The following TERB1 variants were observed in gnomAD, a reference collection of about 807,000 sequenced individuals.
TERB1 encodes the protein telomere repeat binding bouquet formation protein 1.
In TERB1, 63 loss-of-function variants were observed where a neutral mutation model predicts 92.3. The observed-to-expected ratio is 0.68, with a 90% CI of 0.56 to 0.84. The LOEUF (loss-of-function observed/expected upper bound fraction) is 0.84. Among genes scored for constraint, TERB1 ranks in the 40% least tolerant of loss-of-function variants. The pLI is 0.00. For synonymous variants in TERB1, 252 were observed against 283.9 expected, an observed-to-expected ratio of 0.89 and a Z score of 1.13; for missense variants, 709 against 843.7, an observed-to-expected ratio of 0.84 and a Z score of 1.98.
Position 66,786,112 on chromosome 16 carries a change from T to C in TERB1, c.479A>G (p.His160Arg). The stretch of plus-strand genomic sequence containing the variant: ...ATTTTTATCTGACAAATCCAACTCA[T>C]GTTTTGAAATAACTGTCCTATTAGG... Reference protein sequence around the residue: ...SRLFRTVISKHELDLSDKNVF... With the variant: ...SRLFRTVISKRELDLSDKNVF... The change falls in exon 8 of 19, where the codon CAT becomes CGT. Residue 160 changes from histidine to arginine, a missense_variant. Physicochemically the swap from His to Arg is conservative, Grantham distance 29. Transcript: ENST00000433154. The C allele has an allele frequency of 6.4e-7, 1 of 1,550,928 alleles. No homozygotes were observed. The highest frequency in any genetic ancestry group is 8.7e-7 in the Non-Finnish European group (1 of 1,146,420).
intron 16 of TERB1, among the ~76,000 whole-genome samples, chr16:66,763,739 G>T (rs1486013641): frequency 2.0e-5 from 3 of 152,012 alleles, no homozygotes; most frequent in African/African-American, 7.2e-5. Context: ...TAAAATAAAA[G>T]TTGGAAAAAC....
intron 3 of TERB1, among the ~76,000 whole-genome samples, chr16:66,794,243 G>A (rs188598664): frequency 8.1e-4 from 123 of 151,872 alleles, no homozygotes; most frequent in Middle Eastern, 3.4e-3. Context: ...GGGAATACAC[G>A]CACATGCCAC....
intron 18 of TERB1, 42 bp downstream of exon 18, chr16:66,758,731 A>T (rs1392502818): frequency 8.1e-7 from 1 of 1,235,138 alleles, no homozygotes. Flanking sequence ...ACAGAGCCAG[A>T]CCCTGTCTCA....
intron 16 of TERB1, among the ~76,000 whole-genome samples, chr16:66,766,170 CG>C (rs1277929563): frequency 1.3e-5 from 2 of 151,884 alleles, no homozygotes; most frequent in African/African-American, 2.4e-5. Flanking sequence ...CGCGCCCGGC[CG>C]GGTATTTTTT....
intron 16 of TERB1, among the ~76,000 whole-genome samples, chr16:66,762,942 C>T (rs949565808): frequency 2.0e-5 from 3 of 152,114 alleles, no homozygotes; most frequent in Admixed American, 6.5e-5. Context: ...CTCAGCCTCC[C>T]AAAGTGCTGA....
chr16:66,779,627 A>G (rs527850142), intron 9 of TERB1, among the ~76,000 whole-genome samples: 7 of 152,118 alleles, frequency 4.6e-5, no homozygotes, highest in African/African-American at 1.4e-4. Context: ...ACAAAAGAAA[A>G]AAACAAAAAA....
chr16:66,764,586 G>C, intron 16 of TERB1, among the ~76,000 whole-genome samples: 1 of 152,216 alleles, frequency 6.6e-6, no homozygotes, highest in East Asian at 1.9e-4. Flanking sequence ...TATTATACTT[G>C]GGAGTTGGAG....
intron 3 of TERB1, among the ~76,000 whole-genome samples, chr16:66,792,732 G>A (rs1000733461): frequency 2.9e-4 from 44 of 152,140 alleles, no homozygotes; most frequent in Non-Finnish European, 8.8e-5. Flanking sequence ...TAGGTTGTAT[G>A]GACAGCTATT....
chr16:66,757,303 T>C (rs1343134876), intron 18 of TERB1, among the ~76,000 whole-genome samples: 1 of 152,220 alleles, frequency 6.6e-6, no homozygotes, highest in Non-Finnish European at 1.5e-5. Flanking sequence ...TATATAATCA[T>C]TGTATAACCA....
rs1476862679 is a variant in TERB1 at position 66,759,209 on chromosome 16, T to A, written c.1862A>T (p.His621Leu). 6.4e-7 allele frequency: 1 copy of A among 1,550,942 alleles called. No individual in the cohort carries two copies. The highest frequency in any genetic ancestry group is 1.4e-5 in the African/African-American group (1 of 73,030). Reference sequence around the variant, plus strand: ...GTCTTCAGCTTCCACAATGACTTTGTGACGATCACATTGGTATGGGCAAGA... The same window carrying A: ...GTCTTCAGCTTCCACAATGACTTTGAGACGATCACATTGGTATGGGCAAGA... ...LHSCPYQCDRHKVIVEAEDRY... is the reference protein window; with the variant it reads ...LHSCPYQCDRLKVIVEAEDRY... The change falls in exon 17 of 19, where the codon CAC becomes CTC. Residue 621 changes from histidine to leucine, a missense_variant. Transcript: ENST00000433154.
chr16:66,774,149 G>A (rs1442840182), intron 12 of TERB1, among the ~76,000 whole-genome samples: 2 of 150,646 alleles, frequency 1.3e-5, no homozygotes, highest in Non-Finnish European at 2.9e-5. Context: ...CGAAAGTGCT[G>A]GGATTACAGG....
At position 66,767,442 on chromosome 16, in the gene TERB1, A is replaced by G. The variant is rs1421556107; in HGVS notation, c.1753T>C (p.Ser585Pro). Reference protein sequence around the residue: ...VVSFLATPSCSEMLTYRCSGC... With the variant: ...VVSFLATPSCPEMLTYRCSGC... ...GAGCACCTATACGTCAACATTTCGG[A>G]ACAACTGGGAGTTGCTAGAAAACTG... Residue 585 changes from serine (S) to proline (P), a missense_variant, in exon 16 of 19, where the codon TCC (serine) becomes CCC (proline). Ser to Pro is a moderately conservative substitution (Grantham distance 74). Coordinates refer to ENST00000433154, the MANE Select transcript of TERB1 (RefSeq NM_001136505.2). 10 of 1,528,674 alleles carry G rather than the reference A, an allele frequency of 6.5e-6. No individual in the cohort carries two copies. Among genetic ancestry groups the G allele is most frequent in the Non-Finnish European group, 7.9e-6 (9 of 1,137,468 alleles). The allele number at this position is 1,528,674 out of a possible 1,614,324, so 94.7% of individuals were successfully genotyped here. A position where few individuals can be genotyped will look rare whatever the true frequency, so the allele number is the denominator to read the frequency against.
At chr16:66,786,405 T>C (rs1280407713) in intron 6 of TERB1, 120 bp from the exon 7 acceptor site, 12 of 703,440 alleles carry the variant, frequency 1.7e-5, no homozygotes, top group Admixed American at 1.5e-4. Flanking sequence ...TATTACAAAG[T>C]ATAACATAGA....
intron 11 of TERB1, 57 bp downstream of exon 11, chr16:66,777,146 G>A: frequency 5.0e-6 from 7 of 1,395,368 alleles, no homozygotes; most frequent in South Asian, 3.2e-5. Context: ...AAAAAAAACA[G>A]AAGTATATTT....
intron 3 of TERB1, 93 bp downstream of exon 3, chr16:66,796,675 G>GA: frequency 2.2e-6 from 2 of 921,616 alleles, no homozygotes; most frequent in Non-Finnish European, 3.4e-6. Context: ...ATGGCTGAAT[G>GA]ATTCTTTCAT....
chr16:66,789,540 C>T (rs2018788694), intron 5 of TERB1, among the ~76,000 whole-genome samples: 2 of 30,240 alleles, frequency 6.6e-5, no homozygotes, highest in African/African-American at 2.5e-4. Context: ...GCCGAGATCG[C>T]GCCACTGCAC....
chr16:66,776,083 A>C (rs1199387842), intron 11 of TERB1, among the ~76,000 whole-genome samples: 1 of 152,008 alleles, frequency 6.6e-6, no homozygotes, highest in Non-Finnish European at 1.5e-5. Context: ...TAGTCCCAGC[A>C]CTTTGGGAGG....
intron 16 of TERB1, among the ~76,000 whole-genome samples, chr16:66,765,627 T>C (rs2018326880): frequency 6.6e-6 from 1 of 151,640 alleles, no homozygotes. Context: ...CCAGCTAATT[T>C]TTTGTATTTT....
At chr16:66,776,755 A>G (rs1304043066) in intron 11 of TERB1, among the ~76,000 whole-genome samples, 3 of 152,150 alleles carry the variant, frequency 2.0e-5, no homozygotes, top group Non-Finnish European at 4.4e-5. Flanking sequence ...GAAAAGAGAG[A>G]GGAGACAGTA....
Sources: gnomAD v4.1 joint callset for allele counts (sites outside exome capture counted in the v4.1 genomes callset) on GRCh38, gnomAD v4.1.1 for gene constraint, MANE v1.5 for transcripts, NCBI Gene and HGNC (gene_info 2026-07-23, HGNC 2026-07-21) for gene names.